The following TRIM23 variants were observed in gnomAD, a reference collection of about 807,000 sequenced individuals.
The protein encoded by TRIM23 is tripartite motif containing 23, also known as E3 ubiquitin-protein ligase TRIM23.
In TRIM23, 27 loss-of-function variants were observed where a neutral mutation model predicts 71.0. The observed-to-expected ratio is 0.38, with a 90% CI of 0.28 to 0.52. The LOEUF is 0.52. Among genes scored for constraint, TRIM23 ranks in the 20% least tolerant of loss-of-function variants. The pLI, the probability that TRIM23 is intolerant of heterozygous loss-of-function variation, is 0.84. For synonymous variants in TRIM23, 234 were observed against 238.0 expected (o/e 0.98, Z 0.16); for missense variants, 482 against 692.3 (o/e 0.70, Z 3.41).
chr5:65,599,380 C>T (rs1264151079), intron 7 of TRIM23, among the ~76,000 whole-genome samples: 1 of 151,954 alleles, frequency 6.6e-6, no homozygotes, highest in South Asian at 2.1e-4. Flanking sequence ...TGAACATGTA[C>T]AGAAAAAAAA....
intron 6 of TRIM23, among the ~76,000 whole-genome samples, chr5:65,606,468 C>CAA (rs1246379785): frequency 8.5e-5 from 5 of 58,920 alleles, no homozygotes; most frequent in Admixed American, 1.8e-4. Flanking sequence ...CGCCCCCGGC[C>CAA]AAAAAAAAAA....
chr5:65,618,279 T>A (rs771553071), intron 1 of TRIM23, 24 bp from the exon 2 acceptor site: 3 of 1,588,990 alleles, frequency 1.9e-6, no homozygotes, highest in Non-Finnish European at 2.6e-6. Context: ...AGGAAGGATG[T>A]GCTCTTTAAA....
At chr5:65,596,133 A>G (rs1754198940) in intron 9 of TRIM23, among the ~76,000 whole-genome samples, 1 of 152,296 alleles carries the variant, frequency 6.6e-6, no homozygotes, top group Non-Finnish European at 1.5e-5. Flanking sequence ...CCCATATAAT[A>G]CTGGTAATAT....
intron 5 of TRIM23, 136 bp from the exon 6 acceptor site, chr5:65,609,594 G>A: frequency 1.1e-6 from 1 of 881,064 alleles, no homozygotes; most frequent in Non-Finnish European, 1.7e-6. Flanking sequence ...GCCAGCCGTG[G>A]TGGCATGTGC....
chr5:65,594,788 G>A, intron 9 of TRIM23, 143 bp from the exon 10 acceptor site: 1 of 683,322 alleles, frequency 1.5e-6, no homozygotes, highest in East Asian at 3.2e-5. Context: ...GCCTAGTATG[G>A]CAGGGGCACC....
intron 7 of TRIM23, among the ~76,000 whole-genome samples, chr5:65,601,596 A>G (rs766909005): frequency 7.9e-5 from 12 of 152,146 alleles, no homozygotes; most frequent in Non-Finnish European, 1.3e-4. Flanking sequence ...ATTCTGAGAG[A>G]TACAATTCAA....
intron 9 of TRIM23, among the ~76,000 whole-genome samples, chr5:65,594,858 C>T (rs1482198143): frequency 6.6e-6 from 1 of 152,088 alleles, no homozygotes; most frequent in Non-Finnish European, 1.5e-5. Flanking sequence ...TTTAGTTTCC[C>T]CATCTAGGAA....
intron 7 of TRIM23, among the ~76,000 whole-genome samples, chr5:65,604,261 A>C (rs532411708): frequency 1.3e-5 from 2 of 151,916 alleles, no homozygotes; most frequent in Non-Finnish European, 2.9e-5. Flanking sequence ...TATGCCAAAA[A>C]TTTTTGTACT....
chr5:65,618,394 G>A, intron 1 of TRIM23, 139 bp from the exon 2 acceptor site: 1 of 902,134 alleles, frequency 1.1e-6, no homozygotes. Flanking sequence ...TATGTAGGTT[G>A]TAAAATCTTG....
chr5:65,611,145 G>A, intron 4 of TRIM23, 102 bp from the exon 5 acceptor site: 2 of 1,087,452 alleles, frequency 1.8e-6, no homozygotes, highest in Non-Finnish European at 2.5e-6. Context: ...TCAGCCACAA[G>A]TGACTTTTAT....
chr5:65,594,672 A>C, intron 9 of TRIM23, 27 bp from the exon 10 acceptor site: 1 of 1,532,028 alleles, frequency 6.5e-7, no homozygotes. Flanking sequence ...AAAAAAAACA[A>C]AAATAGTCAC....
At position 65,596,526 on chromosome 5, in the gene TRIM23, T is replaced by C. The variant is rs1248646377; in HGVS notation, c.1315A>G (p.Asn439Asp). 2 of 1,582,004 alleles carry C rather than the reference T, an allele frequency of 1.3e-6. No individual in the cohort carries two copies. ...TTTTTATATTCTACAGTTTCCACGT[T>C]AAAACCTGTTTTAAAAAAAAAGTTA... ...FMQPIPTIGF[N>D]VETVEYKNLK... Residue 439 changes from asparagine to aspartate, a missense_variant, in exon 9 of 11, where the codon AAC becomes GAC. By Grantham distance (23) the Asn-to-Asp change is conservative. Around this residue, in one of 2 missense-constraint regions of TRIM23, gnomAD observed 307 missense variants for 495.8 expected, o/e 0.62. Transcript: ENST00000231524.
chr5:65,596,734 C>A (rs1226656723), intron 8 of TRIM23, among the ~76,000 whole-genome samples: 2 of 152,092 alleles, frequency 1.3e-5, no homozygotes, highest in African/African-American at 4.8e-5. Flanking sequence ...TAAACCTCCA[C>A]CAAGGTCCTT....
At chr5:65,621,441 T>C (rs1277941667) in intron 1 of TRIM23, among the ~76,000 whole-genome samples, 1 of 152,216 alleles carries the variant, frequency 6.6e-6, no homozygotes, top group Non-Finnish European at 1.5e-5. Context: ...TTTATGACAA[T>C]AAACTCCAAA....
intron 3 of TRIM23, among the ~76,000 whole-genome samples, chr5:65,612,140 C>G (rs1354597232): frequency 1.3e-5 from 2 of 152,196 alleles, no homozygotes; most frequent in African/African-American, 4.8e-5. Context: ...CTCATAGATT[C>G]ATATTCGGTG....
At chr5:65,612,887 G>A (rs1754688790) in intron 3 of TRIM23, among the ~76,000 whole-genome samples, 1 of 151,794 alleles carries the variant, frequency 6.6e-6, no homozygotes, top group Non-Finnish European at 1.5e-5. Context: ...TAGTTTTCAG[G>A]AATTACAAAA....
intron 1 of TRIM23, among the ~76,000 whole-genome samples, chr5:65,618,467 T>C (rs1180980288): frequency 6.6e-6 from 1 of 152,192 alleles, no homozygotes; most frequent in Non-Finnish European, 1.5e-5. Context: ...TGAAATATCT[T>C]TGAAATACTA....
chr5:65,612,883 T>C (rs541969062), intron 3 of TRIM23, among the ~76,000 whole-genome samples: 35 of 152,128 alleles, frequency 2.3e-4, no homozygotes, highest in Non-Finnish European at 4.7e-4. Context: ...TTTCTAGTTT[T>C]CAGGAATTAC....
intron 7 of TRIM23, among the ~76,000 whole-genome samples, chr5:65,597,398 T>C (rs372290076): frequency 4.6e-5 from 7 of 152,154 alleles, no homozygotes; most frequent in African/African-American, 1.7e-4. Context: ...TATAACAGAA[T>C]ATACATACCC....
Sources: allele counts gnomAD v4.1 joint callset (sites outside exome capture counted in the v4.1 genomes callset), GRCh38; gene constraint gnomAD v4.1.1; regional missense constraint gnomAD v4.1.1; transcripts MANE v1.5; gene names NCBI Gene and HGNC (gene_info 2026-07-23, HGNC 2026-07-21).